Variants in CTNND2 observed in about 807,000 individuals in gnomAD.
CTNND2 encodes the protein catenin delta 2, also known as catenin delta-2.
Under a neutral mutation model 144.4 loss-of-function variants are expected in CTNND2, and 22 were observed. The ratio of observed to expected loss-of-function variants is 0.15; its 90% confidence interval spans 0.11 to 0.22. CTNND2 has a LOEUF of 0.22. Ranked by LOEUF, CTNND2 falls within the 10% of genes least tolerant of loss-of-function variation. The pLI is 1.00. For missense variants in CTNND2, 1,353 were observed against 1,618.8 expected (o/e 0.84, Z 2.82); for synonymous variants, 751 against 695.6 (o/e 1.08, Z -1.25).
intron 3 of CTNND2, among the ~76,000 whole-genome samples, chr5:11,470,433 T>TA (rs1298398768): frequency 3.3e-5 from 5 of 151,718 alleles, no homozygotes; most frequent in African/African-American, 1.2e-4. Flanking sequence ...AACTCTGTCT[T>TA]AAAAAAAAGA....
intron 16 of CTNND2, among the ~76,000 whole-genome samples, chr5:11,041,387 A>C (rs758197130): frequency 6.6e-5 from 10 of 152,248 alleles, no homozygotes; most frequent in Non-Finnish European, 1.3e-4. Context: ...GAAGACAAAT[A>C]GAAGTTAAAT....
chr5:11,784,986 A>C (rs1181148597), intron 1 of CTNND2, among the ~76,000 whole-genome samples: 1 of 152,262 alleles, frequency 6.6e-6, no homozygotes, highest in Non-Finnish European at 1.5e-5. Flanking sequence ...GCAACAAATA[A>C]TTAATATGAG....
At chr5:11,640,964 G>C (rs749555935) in intron 2 of CTNND2, among the ~76,000 whole-genome samples, 1 of 152,004 alleles carries the variant, frequency 6.6e-6, no homozygotes, top group Non-Finnish European at 1.5e-5. Context: ...TGAGTATATC[G>C]TTCATTCCCC....
chr5:11,284,860 C>T (rs1747562918), intron 9 of CTNND2, among the ~76,000 whole-genome samples: 1 of 152,186 alleles, frequency 6.6e-6, no homozygotes, highest in South Asian at 2.1e-4. Context: ...TGGAACTTTG[C>T]CTCTCTCACT....
intron 1 of CTNND2, among the ~76,000 whole-genome samples, chr5:11,816,615 G>GGGGGAGGGA (rs1792676322): frequency 7.6e-6 from 1 of 130,768 alleles, no homozygotes; most frequent in Non-Finnish European, 1.6e-5. Flanking sequence ...GGAAGAGAGA[G>GGGGGAGGGA]AGAGAGGGAA....
intron 5 of CTNND2, among the ~76,000 whole-genome samples, chr5:11,401,891 G>T (rs1308688825): frequency 6.6e-6 from 1 of 152,114 alleles, no homozygotes; most frequent in African/African-American, 2.4e-5. Flanking sequence ...ATGTGCAAGT[G>T]CTTGGAAAAA....
chr5:11,262,131 C>T (rs933886753), intron 9 of CTNND2, among the ~76,000 whole-genome samples: 4 of 152,122 alleles, frequency 2.6e-5, no homozygotes, highest in Admixed American at 6.5e-5. Context: ...AAGTTGTTTA[C>T]GTGTAAGATC....
chr5:11,080,223 G>C (rs1328835719), intron 16 of CTNND2, among the ~76,000 whole-genome samples: 1 of 152,020 alleles, frequency 6.6e-6, no homozygotes, highest in Non-Finnish European at 1.5e-5. Flanking sequence ...TATGAAGAAA[G>C]GTTCAATATC....
At chr5:11,600,501 T>C (rs1779730311) in intron 2 of CTNND2, among the ~76,000 whole-genome samples, 1 of 150,930 alleles carries the variant, frequency 6.6e-6, no homozygotes, top group Non-Finnish European at 1.5e-5. Context: ...AAGTCAGGAG[T>C]TCGAGACCAG....
chr5:11,386,588 G>A (rs1290883048), intron 6 of CTNND2, among the ~76,000 whole-genome samples: 1 of 152,180 alleles, frequency 6.6e-6, no homozygotes, highest in Non-Finnish European at 1.5e-5. Flanking sequence ...AGTTTGGTGA[G>A]AGACTTTCTC....
At chr5:11,123,853 G>A (rs56193605) in intron 12 of CTNND2, among the ~76,000 whole-genome samples, 34,611 of 152,112 alleles carry the variant, frequency 0.23, 4,311 homozygotes, top group Middle Eastern at 0.34. Flanking sequence ...GCTGTCTGCC[G>A]TGTGCTATGT....
rs16901719 is a variant in CTNND2 at position 11,528,930 on chromosome 5, G to A, written c.287+36014C>T. ...GTCTGGCTGGGCAATTCATGTTGTC[G>A]GCTTCAAGAGACACACTTGAGTTTC... On this transcript the variant is annotated intron_variant, in intron 3 of 21. Coordinates refer to ENST00000304623, the MANE Select transcript of CTNND2 (RefSeq NM_001332.4). Among the ~76,000 whole-genome samples the A allele has an allele frequency of 5.5e-3, 845 of 152,306 alleles. 12 individuals are homozygous for A. Among genetic ancestry groups the A allele is most frequent in the East Asian group, 0.051 (265 of 5,180 alleles).
At chr5:11,236,852 T>C in intron 9 of CTNND2, 29 bp from the exon 10 acceptor site, 1 of 1,613,388 alleles carries the variant, frequency 6.2e-7, no homozygotes, top group Non-Finnish European at 8.5e-7. Flanking sequence ...GCGGGGAGAA[T>C]ATGAGAGAGA....
chr5:11,890,074 C>T (rs1736841781), intron 1 of CTNND2, among the ~76,000 whole-genome samples: 1 of 152,138 alleles, frequency 6.6e-6, no homozygotes, highest in African/African-American at 2.4e-5. Flanking sequence ...CATTATTCAT[C>T]TATACTTTCT....
In CTNND2 at chr5:11,652,450, A is replaced by G. The variant is rs116767634; in HGVS notation, c.174+79686T>C. ...GAGCAATGTAAGAATGGACTAATAC[A>G]GTCAGTGAGCTTTCAGACTGACTCT... On this transcript the variant is annotated intron_variant, in intron 2 of 21. Coordinates refer to ENST00000304623, the MANE Select transcript of CTNND2 (RefSeq NM_001332.4). Among the ~76,000 whole-genome samples, 1,120 of 152,312 alleles carry G rather than the reference A, an allele frequency of 7.4e-3. 12 individuals carry two copies. Among genetic ancestry groups the G allele is most frequent in the African/African-American group, 0.025 (1,038 of 41,580 alleles).
chr5:11,370,493 T>C (rs1757371690), intron 7 of CTNND2, among the ~76,000 whole-genome samples: 1 of 152,242 alleles, frequency 6.6e-6, no homozygotes, highest in Non-Finnish European at 1.5e-5. Context: ...CATTTATCAT[T>C]TGTTGCTTTA....
chr5:11,154,847 G>A (rs1758071910), intron 12 of CTNND2, among the ~76,000 whole-genome samples: 2 of 152,156 alleles, frequency 1.3e-5, no homozygotes, highest in African/African-American at 4.8e-5. Context: ...AGTTATCCCT[G>A]AATTGTGGCT....
Position 11,649,391 on chromosome 5 carries a change from C to G in CTNND2, c.174+82745G>C, listed in dbSNP as rs141575417. Among the ~76,000 whole-genome samples, 10 of 152,248 alleles carry G rather than the reference C, an allele frequency of 6.6e-5. No homozygotes were observed. In the East Asian group the frequency reaches 1.7e-3, roughly 26 times the overall value. On this transcript the variant is annotated intron_variant, in intron 2 of 21. Transcript: ENST00000304623. ...GGAGTGCAGTGGTGTTATCTTGGAT[C>G]ACTGCAACCTTTGCCTCCCAAGTTA... is the stretch of plus-strand genomic sequence containing the variant.
At chr5:11,198,008 G>A (rs1737049028) in intron 11 of CTNND2, among the ~76,000 whole-genome samples, 1 of 152,130 alleles carries the variant, frequency 6.6e-6, no homozygotes, top group South Asian at 2.1e-4. Flanking sequence ...TGTATCTGTT[G>A]GTGGAGTCTT....
Sources: allele counts gnomAD v4.1 joint callset (sites outside exome capture counted in the v4.1 genomes callset), GRCh38; gene constraint gnomAD v4.1.1; transcripts MANE v1.5; gene names NCBI Gene and HGNC (gene_info 2026-07-23, HGNC 2026-07-21).